Variants in WDR27 observed in about 807,000 individuals in gnomAD.
WDR27 encodes WD repeat-containing protein 27.
Under a neutral mutation model 114.4 loss-of-function variants are expected in WDR27, and 100 were observed. The ratio of observed to expected loss-of-function variants is 0.87; its 90% CI spans 0.74 to 1.03. WDR27 has a LOEUF of 1.03. WDR27 is among the 50% of genes least tolerant of loss of function. The pLI, the probability that WDR27 is intolerant of heterozygous loss-of-function variation, is 0.00. For missense variants in WDR27, 1,129 were observed against 1,092.9 expected, an observed-to-expected ratio of 1.03 and a Z score of -0.47; for synonymous variants, 449 against 423.1, an observed-to-expected ratio of 1.06 and a Z score of -0.75.
At chr6:169,542,311 AC>A in intron 25 of WDR27, among the ~76,000 whole-genome samples, 1 of 152,316 alleles carries the variant, frequency 6.6e-6, no homozygotes, top group East Asian at 1.9e-4. Context: ...ATTAAATTAA[AC>A]AAAGTAATTG....
At chr6:169,528,349 A>AT (rs930399371) in intron 25 of WDR27, among the ~76,000 whole-genome samples, 2 of 152,108 alleles carry the variant, frequency 1.3e-5, no homozygotes, top group African/African-American at 2.4e-5. Context: ...ATATGGTTCC[A>AT]TTTTTTGCGG....
intron 14 of WDR27, among the ~76,000 whole-genome samples, chr6:169,650,374 T>C (rs564165250): frequency 8.7e-6 from 1 of 114,624 alleles, no homozygotes; most frequent in African/African-American, 3.4e-5. Context: ...CCCCTCCATC[T>C]GTCCACCCAC....
At chr6:169,568,898 A>G (rs540462259) in intron 25 of WDR27, among the ~76,000 whole-genome samples, 2 of 152,284 alleles carry the variant, frequency 1.3e-5, no homozygotes, top group Admixed American at 1.3e-4. Flanking sequence ...TCTCTGTGGG[A>G]TGTGGTACCG....
chr6:169,504,962 T>TA (rs1475237937), intron 25 of WDR27, among the ~76,000 whole-genome samples: 4 of 152,178 alleles, frequency 2.6e-5, no homozygotes, highest in Admixed American at 6.5e-5. Flanking sequence ...ATAGGGCTTC[T>TA]AAAAAACAAG....
chr6:169,687,629 C>T (rs1453332728), intron 2 of WDR27, among the ~76,000 whole-genome samples: 1 of 152,146 alleles, frequency 6.6e-6, no homozygotes, highest in African/African-American at 2.4e-5. Context: ...ATTGGTACAA[C>T]CAATTTGGAA....
At chr6:169,641,892 G>A (rs1346544552) in intron 17 of WDR27, among the ~76,000 whole-genome samples, 2 of 152,196 alleles carry the variant, frequency 1.3e-5, no homozygotes, top group African/African-American at 4.8e-5. Flanking sequence ...CCGCCATCCC[G>A]TATCGCTGAG....
chr6:169,519,130 G>T (rs533027978), intron 25 of WDR27, among the ~76,000 whole-genome samples: 6 of 152,212 alleles, frequency 3.9e-5, no homozygotes, highest in African/African-American at 1.2e-4. Flanking sequence ...TCAACATTTT[G>T]GTCATAACCA....
chr6:169,635,036 A>G (rs767560451), intron 19 of WDR27, among the ~76,000 whole-genome samples: 14 of 152,220 alleles, frequency 9.2e-5, no homozygotes, highest in Non-Finnish European at 1.8e-4. Flanking sequence ...GAACGCTGTG[A>G]CATGAGCTGA....
chr6:169,620,072 C>T (rs552782730), intron 21 of WDR27, among the ~76,000 whole-genome samples: 21 of 152,238 alleles, frequency 1.4e-4, no homozygotes, highest in Non-Finnish European at 2.5e-4. Flanking sequence ...ACCCATCTGA[C>T]GAGAATTGAT....
chr6:169,441,790 A>C, the WDR27 span, among the ~76,000 whole-genome samples: 1 of 152,190 alleles, frequency 6.6e-6, no homozygotes, highest in African/African-American at 2.4e-5. Context: ...CTTTGGACAT[A>C]CTGAAGACCA....
the WDR27 span, among the ~76,000 whole-genome samples, chr6:169,433,787 C>T: frequency 6.6e-6 from 1 of 152,240 alleles, no homozygotes; most frequent in Non-Finnish European, 1.5e-5. Context: ...GCCATTCTAA[C>T]TGGCATGAGA....
intron 13 of WDR27, among the ~76,000 whole-genome samples, chr6:169,657,449 C>T (rs910027601): frequency 6.6e-6 from 1 of 152,138 alleles, no homozygotes; most frequent in African/African-American, 2.4e-5. Flanking sequence ...AGGGTGGGGT[C>T]GCCAGGTCGC....
chr6:169,621,812 T>TCACA (rs1813420761), intron 21 of WDR27, among the ~76,000 whole-genome samples: 1 of 152,044 alleles, frequency 6.6e-6, no homozygotes, highest in African/African-American at 2.4e-5. Context: ...ACACATGCAT[T>TCACA]CATACATATA....
At chr6:169,531,686 C>T (rs1223432054) in intron 25 of WDR27, among the ~76,000 whole-genome samples, 2 of 145,044 alleles carry the variant, frequency 1.4e-5, no homozygotes, top group African/African-American at 5.2e-5. Context: ...TGGAGTGTCA[C>T]TTTTTTGCCC....
chr6:169,570,882 G>A (rs1298504252), intron 25 of WDR27, among the ~76,000 whole-genome samples: 2 of 152,174 alleles, frequency 1.3e-5, no homozygotes, highest in Non-Finnish European at 2.9e-5. Context: ...AAGACAGGAC[G>A]CAGGCCAGGA....
At chr6:169,607,481 T>C (rs1809493470) in intron 22 of WDR27, among the ~76,000 whole-genome samples, 1 of 151,684 alleles carries the variant, frequency 6.6e-6, no homozygotes, top group Non-Finnish European at 1.5e-5. Flanking sequence ...TTGCAGCACA[T>C]GGATGGAAGT....
chr6:169,437,487 A>G, the WDR27 span, among the ~76,000 whole-genome samples: 3 of 152,162 alleles, frequency 2.0e-5, no homozygotes, highest in Non-Finnish European at 4.4e-5. Flanking sequence ...CCTATTTTCA[A>G]ATTAGAAGTG....
At chr6:169,693,079 G>C (rs1784916817) in intron 1 of WDR27, among the ~76,000 whole-genome samples, 1 of 152,216 alleles carries the variant, frequency 6.6e-6, no homozygotes, top group South Asian at 2.1e-4. Context: ...AGAATCTTTA[G>C]AGCTGTGAGA....
At chr6:169,658,194 T>C in intron 13 of WDR27, 82 bp downstream of exon 13, 1 of 1,089,598 alleles carries the variant, frequency 9.2e-7, no homozygotes, top group Non-Finnish European at 1.4e-6. Flanking sequence ...ACATAAGAAT[T>C]CGCAAAGCAA....
Sources: allele counts gnomAD v4.1 joint callset (sites outside exome capture counted in the v4.1 genomes callset), GRCh38; gene constraint gnomAD v4.1.1; transcripts MANE v1.5; gene names NCBI Gene and HGNC (gene_info 2026-07-23, HGNC 2026-07-21).